Variants in BRCA1 observed in about 807,000 individuals in gnomAD.
BRCA1 encodes BRCA1 DNA repair associated, also known as breast cancer type 1 susceptibility protein.
In BRCA1, 140 loss-of-function variants were observed where a neutral mutation model predicts 173.7. That is an observed-to-expected ratio of 0.81 (90% CI 0.70 to 0.93). The LOEUF is 0.93. BRCA1 is among the 40% of genes least tolerant of loss of function. BRCA1 has a pLI of 0.00. For missense variants in BRCA1, 1,983 were observed against 2,172.5 expected, an observed-to-expected ratio of 0.91 and a Z score of 1.73; for synonymous variants, 662 against 756.0, an observed-to-expected ratio of 0.88 and a Z score of 2.04.
chr17:43,079,339 A>G lies in BRCA1; in HGVS notation c.4358-2725T>C, dbSNP rs374519494. 88 of 1,594,320 alleles carry G rather than the reference A, an allele frequency of 5.5e-5. No individual in the cohort carries two copies. The highest frequency in any genetic ancestry group is 2.9e-4 in the African/African-American group (22 of 74,820). On this transcript the variant is annotated intron_variant, in intron 12 of 22. Coordinates refer to ENST00000357654, the MANE Select transcript of BRCA1 (RefSeq NM_007294.4). The stretch of plus-strand genomic sequence containing the variant: ...AAGGGAAAGAGGAGAGGCACCTGAT[A>G]TATGTTCTCTAGGCCTTTTAGAAAA...
chr17:43,130,169 A>G, upstream of BRCA1, among the ~76,000 whole-genome samples: 1 of 152,180 alleles, frequency 6.6e-6, no homozygotes, highest in East Asian at 1.9e-4. Context: ...ATTATTTTTA[A>G]AAATGTTTAA....
At chr17:43,070,816 T>G in intron 15 of BRCA1, 112 bp downstream of exon 15, 1 of 1,264,534 alleles carries the variant, frequency 7.9e-7, no homozygotes, top group Non-Finnish European at 1.1e-6. Context: ...AGAACTGTGA[T>G]TGTTTTCTAG....
Position 43,045,088 on chromosome 17 carries a change from G to A in BRCA1, c.*590C>T, listed in dbSNP as rs1214247281. 3.8e-6 allele frequency: 2 copies of A among 528,360 alleles called. No homozygotes were observed. Among genetic ancestry groups the A allele is most frequent in the South Asian group, 1.5e-5 (1 of 65,112 alleles). 32.7% of individuals were successfully genotyped at this position (528,360 alleles called of 1,614,324 possible). A position where few individuals can be genotyped will look rare whatever the true frequency, so the allele number is the denominator to read the frequency against. On this transcript the variant is annotated 3_prime_UTR_variant, in exon 23 of 23. Transcript: ENST00000357654. Reference sequence around the variant, plus strand: ...CAAAGTGCTGGGATTACAGGCGTGAGCCACCATGCCCAGGTTTCAAGTTTC... The same window carrying A: ...CAAAGTGCTGGGATTACAGGCGTGAACCACCATGCCCAGGTTTCAAGTTTC...
At position 43,092,212 on chromosome 17, in the gene BRCA1, C is replaced by A. The variant is rs80357106; in HGVS notation, c.3319G>T (p.Glu1107Ter). Reference protein sequence around the residue: ...SLPGSNCKHPEIKKQEYEEVV... With the variant: ...SLPGSNCKHP ...TCTTCATATTCTTGCTTTTTTATTT[C>A]AGGATGCTTACAATTACTTCCAGGA... The change falls in exon 10 of 23, where the codon GAA (glutamate) becomes TAA (stop). Residue 1107 changes from glutamate (E) to a stop codon, truncating the protein, a stop_gained. Coordinates refer to ENST00000357654, the MANE Select transcript of BRCA1 (RefSeq NM_007294.4). LOFTEE classifies it high-confidence loss of function. The A allele has an allele frequency of 6.2e-7, 1 of 1,613,262 alleles. No homozygotes were observed. The highest frequency in any genetic ancestry group is 8.5e-7 in the Non-Finnish European group (1 of 1,179,942).
chr17:43,103,386 G>C (rs1315452083), intron 6 of BRCA1, among the ~76,000 whole-genome samples: 2 of 151,266 alleles, frequency 1.3e-5, no homozygotes, highest in Non-Finnish European at 2.9e-5. Context: ...AGAATCACTT[G>C]AACCTGGGAG....
intron 19 of BRCA1, 67 bp from the exon 20 acceptor site, chr17:43,051,184 T>C: frequency 1.4e-6 from 2 of 1,409,660 alleles, no homozygotes; most frequent in South Asian, 2.3e-5. Flanking sequence ...TATAAAAGAA[T>C]ATTGGCTTTT....
intron 1 of BRCA1, among the ~76,000 whole-genome samples, chr17:43,141,943 G>T (rs1462562543): frequency 1.3e-5 from 2 of 152,040 alleles, no homozygotes; most frequent in Admixed American, 6.6e-5. Context: ...ATGGAGTCTT[G>T]CTCTGTTGCC....
chr17:43,063,406 C>G (rs773082120), intron 17 of BRCA1, 33 bp from the exon 18 acceptor site: 2 of 1,577,570 alleles, frequency 1.3e-6, no homozygotes, highest in Non-Finnish European at 8.7e-7. Context: ...AGGTTACATA[C>G]AGCAGAAGAA....
At chr17:43,124,190 T>G (rs2055757619) in intron 1 of BRCA1, 75 bp from the exon 2 acceptor site, 1 of 891,662 alleles carries the variant, frequency 1.1e-6, no homozygotes, top group South Asian at 1.6e-5. Flanking sequence ...TTTTATCATT[T>G]TAAAATAAAG....
At chr17:43,072,427 G>C (rs1350137380) in intron 14 of BRCA1, among the ~76,000 whole-genome samples, 1 of 151,680 alleles carries the variant, frequency 6.6e-6, no homozygotes. Context: ...TTTTGAGAAG[G>C]GTCTCGGTCT....
chr17:43,084,208 T>G (rs537542014), intron 11 of BRCA1, among the ~76,000 whole-genome samples: 1 of 152,278 alleles, frequency 6.6e-6, no homozygotes, highest in African/African-American at 2.4e-5. Context: ...TTTTTTGTAT[T>G]TTTAGTAGAA....
rs1597887932 is a variant in BRCA1 at position 43,099,829 on chromosome 17, G to C, written c.493C>G (p.Leu165Val). The change falls in exon 7 of 23, where the codon CTG (leucine) becomes GTG (valine). Residue 165 changes from leucine to valine, a missense_variant. Transcript: ENST00000357654. ...GGTTGTATCCGCTGCTTTGTCCTCA[G>C]AGTTCTCACAGTTCCAAGGTTAGAG... ...QLSNLGTVRT[L>V]RTKQRIQPQK... 3 of 1,613,902 alleles carry C rather than the reference G, an allele frequency of 1.9e-6. No individual in the cohort carries two copies. Among genetic ancestry groups the C allele is most frequent in the Non-Finnish European group, 2.5e-6 (3 of 1,179,784 alleles).
At position 43,136,193 on chromosome 17, in the gene BRCA1, C is replaced by T. The variant is rs193026788; in HGVS notation, c.-19-12078G>A. On this transcript the variant is annotated intron_variant, in intron 1 of 7. Coordinates refer to the BRCA1 transcript ENST00000634433. Reference sequence around the variant, plus strand: ...GAAACAGGCAATGAGGAAAGGATTCCCTATTTAATAAATGGCATTGGGAAA... The same window carrying T: ...GAAACAGGCAATGAGGAAAGGATTCTCTATTTAATAAATGGCATTGGGAAA... 6.6e-5 allele frequency among the ~76,000 whole-genome samples: 10 copies of T among 152,230 alleles called. No individual in the cohort carries two copies. The East Asian group carries it at 1.7e-3, about 26-fold the overall frequency.
chr17:43,115,187 A>C (rs934245886), intron 3 of BRCA1, among the ~76,000 whole-genome samples: 3 of 152,212 alleles, frequency 2.0e-5, no homozygotes, highest in Non-Finnish European at 2.9e-5. Flanking sequence ...AACACTGTTC[A>C]AAATGATGTT....
At chr17:43,120,459 A>T (rs1038090357) in intron 2 of BRCA1, among the ~76,000 whole-genome samples, 3 of 152,262 alleles carry the variant, frequency 2.0e-5, no homozygotes, top group African/African-American at 7.2e-5. Context: ...AAATGAATGT[A>T]AAACACCATA....
chr17:43,143,295 A>T (rs557951819), intron 1 of BRCA1, among the ~76,000 whole-genome samples: 3 of 152,144 alleles, frequency 2.0e-5, no homozygotes, highest in Admixed American at 2.0e-4. Context: ...CACCACACAG[A>T]TAAAGACACT....
At chr17:43,100,544 ATG>A (rs66463208) in intron 6 of BRCA1, among the ~76,000 whole-genome samples, 3,914 of 93,360 alleles carry the variant, frequency 0.042, 310 homozygotes, top group South Asian at 0.083. Context: ...ATACATATAT[ATG>A]TGTGTGTGTG....
chr17:43,051,211 T>G, intron 19 of BRCA1, 94 bp from the exon 20 acceptor site: 1 of 1,209,986 alleles, frequency 8.3e-7, no homozygotes, highest in South Asian at 1.2e-5. Flanking sequence ...AAAACAGACT[T>G]TCAAAAAGGA....
intron 14 of BRCA1, 99 bp downstream of exon 14, chr17:43,074,232 T>C (rs2052579297): frequency 3.2e-6 from 4 of 1,232,312 alleles, no homozygotes; most frequent in African/African-American, 1.5e-5. Context: ...GTGTCCATGA[T>C]AGACTAGTAC....
Sources: gnomAD v4.1 joint callset for allele counts (sites outside exome capture counted in the v4.1 genomes callset) on GRCh38, gnomAD v4.1.1 for gene constraint, MANE v1.5 for transcripts, NCBI Gene and HGNC (gene_info 2026-07-23, HGNC 2026-07-21) for gene names.